Variants in CCDC158 observed in about 807,000 individuals in gnomAD.
CCDC158 encodes coiled-coil domain-containing protein 158.
A neutral mutation model predicts 138.6 loss-of-function variants in CCDC158; 116 were observed. The observed-to-expected ratio is 0.84, with a 90% confidence interval of 0.72 to 0.98. The LOEUF (loss-of-function observed/expected upper bound fraction) is 0.98, where lower values mean the gene tolerates loss of function less well. Ranked by LOEUF, CCDC158 falls within the 50% of genes least tolerant of loss-of-function variation. The probability of loss-of-function intolerance (pLI) is 0.00; values close to 1 mark genes in which losing one functional copy is unlikely to be tolerated. For synonymous variants in CCDC158, 436 were observed against 442.4 expected (o/e 0.99, Z 0.18); for missense variants, 1,265 against 1,306.1 (o/e 0.97, Z 0.48).
At chr4:76,420,729 C>T (rs1174320277) in intron 1 of CCDC158, among the ~76,000 whole-genome samples, 1 of 152,162 alleles carries the variant, frequency 6.6e-6, no homozygotes, top group African/African-American at 2.4e-5. Flanking sequence ...TTTGCGCAGG[C>T]CCCTGTGTTC....
intron 18 of CCDC158, among the ~76,000 whole-genome samples, chr4:76,349,070 A>T (rs1289647896): frequency 6.6e-6 from 1 of 152,176 alleles, no homozygotes; most frequent in African/African-American, 2.4e-5. Flanking sequence ...TCAGAGAAAA[A>T]ACTACCTCCA....
intron 3 of CCDC158, among the ~76,000 whole-genome samples, chr4:76,398,795 T>C (rs1029066035): frequency 6.6e-6 from 1 of 151,922 alleles, no homozygotes; most frequent in Non-Finnish European, 1.5e-5. Flanking sequence ...CATTCTATAA[T>C]AACTGGTCTG....
intron 21 of CCDC158, among the ~76,000 whole-genome samples, chr4:76,329,181 G>C (rs928061815): frequency 2.0e-5 from 3 of 152,146 alleles, no homozygotes; most frequent in African/African-American, 4.8e-5. Flanking sequence ...TTTACAGAAT[G>C]AAAATATATA....
At chr4:76,385,466 A>G (rs1054064665) in intron 4 of CCDC158, among the ~76,000 whole-genome samples, 4 of 152,224 alleles carry the variant, frequency 2.6e-5, no homozygotes, top group African/African-American at 9.6e-5. Flanking sequence ...ATAAGATGCT[A>G]TGCCAAATAA....
At chr4:76,351,854 TA>T in intron 16 of CCDC158, 42 bp from the exon 17 acceptor site, 1 of 1,206,926 alleles carries the variant, frequency 8.3e-7, no homozygotes, top group Non-Finnish European at 1.2e-6. Flanking sequence ...TTGCATTCTT[TA>T]TGCACTTATA....
At chr4:76,314,115 T>G (rs1264240210) in intron 24 of CCDC158, among the ~76,000 whole-genome samples, 1 of 152,212 alleles carries the variant, frequency 6.6e-6, no homozygotes, top group Non-Finnish European at 1.5e-5. Context: ...TAAATGCACT[T>G]CAAGTTTTGA....
intron 12 of CCDC158, among the ~76,000 whole-genome samples, chr4:76,366,836 A>G (rs1308086780): frequency 6.6e-6 from 1 of 152,164 alleles, no homozygotes; most frequent in East Asian, 1.9e-4. Context: ...CTTGATATAT[A>G]CTTTCTGATT....
intron 23 of CCDC158, 61 bp downstream of exon 23, chr4:76,325,796 C>G: frequency 2.1e-6 from 3 of 1,437,578 alleles, no homozygotes; most frequent in Non-Finnish European, 2.9e-6. Flanking sequence ...GTAAAAAGAA[C>G]TTACAGTTCA....
intron 9 of CCDC158, among the ~76,000 whole-genome samples, chr4:76,376,545 TTG>T (rs34910095): frequency 0.033 from 4,960 of 152,288 alleles, 273 homozygotes; most frequent in African/African-American, 0.11. Context: ...GCAGAATAAT[TTG>T]TGTTTTTAGA....
intron 21 of CCDC158, among the ~76,000 whole-genome samples, chr4:76,330,613 G>T (rs538204379): frequency 6.6e-6 from 1 of 152,094 alleles, no homozygotes; most frequent in Non-Finnish European, 1.5e-5. Flanking sequence ...AAAGATGGTT[G>T]CATCTATACT....
intron 14 of CCDC158, among the ~76,000 whole-genome samples, 155 bp downstream of exon 14, chr4:76,357,219 C>T (rs1052412331): frequency 1.3e-5 from 2 of 152,202 alleles, no homozygotes; most frequent in African/African-American, 4.8e-5. Flanking sequence ...ACTACTGCTA[C>T]ATAACCTCCA....
At chr4:76,324,157 C>T (rs17001783) in intron 23 of CCDC158, among the ~76,000 whole-genome samples, 4,449 of 151,868 alleles carry the variant, frequency 0.029, 219 homozygotes, top group African/African-American at 0.1. Flanking sequence ...AGGAATTACT[C>T]CAGTTTAAGA....
At chr4:76,314,473 C>T (rs1015530230) in intron 24 of CCDC158, among the ~76,000 whole-genome samples, 1 of 152,182 alleles carries the variant, frequency 6.6e-6, no homozygotes, top group Non-Finnish European at 1.5e-5. Context: ...CAGGAACATA[C>T]TGGGAAAACC....
intron 3 of CCDC158, among the ~76,000 whole-genome samples, chr4:76,400,424 G>A (rs1188093205): frequency 6.7e-6 from 1 of 149,120 alleles, no homozygotes; most frequent in African/African-American, 2.5e-5. Flanking sequence ...GGAGGGGGGA[G>A]TGATAGCATT....
At chr4:76,360,982 G>A (rs1724073627) in intron 13 of CCDC158, among the ~76,000 whole-genome samples, 1 of 152,176 alleles carries the variant, frequency 6.6e-6, no homozygotes. Context: ...GTAATTCCCA[G>A]TGTTGGAGGA....
intron 9 of CCDC158, among the ~76,000 whole-genome samples, chr4:76,371,843 C>A (rs1043444654): frequency 2.0e-5 from 3 of 148,702 alleles, no homozygotes; most frequent in African/African-American, 7.5e-5. Flanking sequence ...GAGGCTGAGA[C>A]AAGAGAATCG....
chr4:76,355,478 G>A, intron 14 of CCDC158, 42 bp from the exon 15 acceptor site: 1 of 1,255,126 alleles, frequency 8.0e-7, no homozygotes, highest in Non-Finnish European at 1.2e-6. Context: ...AGGTTCTTAA[G>A]TTTGAGAGAC....
chr4:76,334,196 T>A (rs1167610061), intron 18 of CCDC158, 29 bp from the exon 19 acceptor site: 1 of 1,490,444 alleles, frequency 6.7e-7, no homozygotes, highest in African/African-American at 1.4e-5. Context: ...CAAAGACACT[T>A]ATTTTTTCAG....
intron 18 of CCDC158, among the ~76,000 whole-genome samples, chr4:76,337,904 C>T (rs1158952463): frequency 2.6e-5 from 4 of 152,158 alleles, no homozygotes; most frequent in Non-Finnish European, 4.4e-5. Flanking sequence ...GAACAAGGGT[C>T]CCCAAACCCT....
Sources: allele counts gnomAD v4.1 joint callset (sites outside exome capture counted in the v4.1 genomes callset), GRCh38; gene constraint gnomAD v4.1.1; transcripts MANE v1.5; gene names NCBI Gene and HGNC (gene_info 2026-07-23, HGNC 2026-07-21).